Variants in CABCOCO1 observed in about 807,000 individuals in gnomAD.
CABCOCO1 encodes ciliary-associated calcium-binding coiled-coil protein 1.
A neutral mutation model predicts 35.7 loss-of-function variants in CABCOCO1; 28 were observed. The ratio of observed to expected loss-of-function variants is 0.78; its 90% confidence interval spans 0.58 to 1.07. The LOEUF (loss-of-function observed/expected upper bound fraction) is 1.07. CABCOCO1 is among the 50% of genes least tolerant of loss of function. The pLI, the probability that CABCOCO1 is intolerant of heterozygous loss-of-function variation, is 0.00. For missense variants in CABCOCO1, 326 were observed against 309.2 expected, an observed-to-expected ratio of 1.05 and a Z score of -0.41; for synonymous variants, 95 against 100.1, an observed-to-expected ratio of 0.95 and a Z score of 0.30.
chr10:61,698,473 A>G (rs1301131387), intron 5 of CABCOCO1, among the ~76,000 whole-genome samples: 1 of 152,140 alleles, frequency 6.6e-6, no homozygotes, highest in Non-Finnish European at 1.5e-5. Context: ...ACTTAGAAAG[A>G]TATTTAAAGA....
At chr10:61,728,553 T>C (rs2132051011) in intron 5 of CABCOCO1, among the ~76,000 whole-genome samples, 2 of 152,312 alleles carry the variant, frequency 1.3e-5, no homozygotes, top group South Asian at 4.1e-4. Context: ...TCCTTAAAAG[T>C]GAAAAATGTA....
At chr10:61,676,495 G>T (rs553777815) in intron 2 of CABCOCO1, among the ~76,000 whole-genome samples, 2 of 152,186 alleles carry the variant, frequency 1.3e-5, no homozygotes, top group Admixed American at 6.5e-5. Flanking sequence ...TTGAATTGAA[G>T]CAGATGACCC....
chr10:61,718,114 C>G (rs891414723), intron 5 of CABCOCO1, among the ~76,000 whole-genome samples: 1 of 152,060 alleles, frequency 6.6e-6, no homozygotes, highest in Admixed American at 6.6e-5. Flanking sequence ...ACTAACGGAA[C>G]CTTTACTGAG....
At chr10:61,680,624 TATAC>T (rs1839722024) in intron 2 of CABCOCO1, among the ~76,000 whole-genome samples, 4 of 71,940 alleles carry the variant, frequency 5.6e-5, no homozygotes, top group African/African-American at 2.6e-4. Context: ...ATACATAACA[TATAC>T]ATGTTATACA....
intron 5 of CABCOCO1, among the ~76,000 whole-genome samples, chr10:61,691,971 T>C (rs1292312483): frequency 6.6e-6 from 1 of 152,212 alleles, no homozygotes; most frequent in Non-Finnish European, 1.5e-5. Context: ...CATGTATCTT[T>C]ATAGTAGAAT....
Position 61,681,174 on chromosome 10 carries a change from C to T in CABCOCO1, c.196C>T (p.Leu66Phe). 1.3e-6 allele frequency: 2 copies of T among 1,483,010 alleles called. No individual in the cohort carries two copies. The highest frequency in any genetic ancestry group is 2.5e-5 in the East Asian group (1 of 39,980). The allele number at this position is 1,483,010 out of a possible 1,614,324, so 91.9% of individuals were successfully genotyped here. A position where few individuals can be genotyped will look rare whatever the true frequency, so the allele number is the denominator to read the frequency against. Residue 66 changes from leucine (L) to phenylalanine (F), a missense_variant, in exon 3 of 8, where the codon CTT (leucine) becomes TTT (phenylalanine). Physicochemically the swap from Leu to Phe is conservative, Grantham distance 22. Transcript: ENST00000648843. ...GAGAATATTTTTGAATTTCAAAAAC[C>T]TTGAAACTTGTTTAAAGGATGCCAT... ...KLRIFLNFKNLETCLKDAILL... is the reference protein window; with the variant it reads ...KLRIFLNFKNFETCLKDAILL...
At position 61,760,093 on chromosome 10, in the gene CABCOCO1, C is replaced by T. The variant is rs149071916; in HGVS notation, c.587C>T (p.Pro196Leu). 2.7e-4 allele frequency: 440 copies of T among 1,612,876 alleles called. 1 individual carries two copies. In the African/African-American group the frequency reaches 5.3e-3, roughly 20 times the overall value. ...VIEVVKSACG[P>L]FPNPLEEGIS... ...GAGGTTGTCAAGTCTGCATGTGGCCCTTTCCCAAATCCTCTGGAAGAAGGA... is the reference window on the plus strand; with the variant it reads ...GAGGTTGTCAAGTCTGCATGTGGCCTTTTCCCAAATCCTCTGGAAGAAGGA... The change falls in exon 6 of 8, where the codon CCT becomes CTT. Residue 196 changes from proline to leucine, a missense_variant. Pro to Leu is a moderately conservative substitution (Grantham distance 98). Transcript: ENST00000648843.
At chr10:61,699,330 G>A (rs1263087778) in intron 5 of CABCOCO1, among the ~76,000 whole-genome samples, 1 of 152,054 alleles carries the variant, frequency 6.6e-6, no homozygotes, top group African/African-American at 2.4e-5. Context: ...AGAAATTCAA[G>A]GAATCTGTCT....
intron 5 of CABCOCO1, among the ~76,000 whole-genome samples, chr10:61,738,032 A>C (rs1193991412): frequency 1.3e-5 from 2 of 151,128 alleles, no homozygotes; most frequent in Non-Finnish European, 2.9e-5. Context: ...ATACAAAAAA[A>C]CAATAAATAA....
At chr10:61,730,428 G>GA (rs1195757650) in intron 5 of CABCOCO1, among the ~76,000 whole-genome samples, 3 of 151,746 alleles carry the variant, frequency 2.0e-5, no homozygotes, top group Admixed American at 6.6e-5. Flanking sequence ...ATAGGTAAAT[G>GA]AAAAAAATAG....
chr10:61,719,867 G>T (rs1367687907), intron 5 of CABCOCO1, among the ~76,000 whole-genome samples: 1 of 144,184 alleles, frequency 6.9e-6, no homozygotes, highest in African/African-American at 2.6e-5. Flanking sequence ...GTTTCAGTGA[G>T]CTGAGATCAC....
chr10:61,718,774 G>T (rs1383250510), intron 5 of CABCOCO1, among the ~76,000 whole-genome samples: 1 of 151,978 alleles, frequency 6.6e-6, no homozygotes, highest in Non-Finnish European at 1.5e-5. Flanking sequence ...CTAATGAAAG[G>T]TATTAATATA....
At chr10:61,742,517 C>T (rs2132069573) in intron 5 of CABCOCO1, among the ~76,000 whole-genome samples, 1 of 152,216 alleles carries the variant, frequency 6.6e-6, no homozygotes, top group Non-Finnish European at 1.5e-5. Context: ...TGAGATAGAC[C>T]AGACTTAGCA....
At chr10:61,709,665 TG>T (rs892311957) in intron 5 of CABCOCO1, among the ~76,000 whole-genome samples, 4 of 151,388 alleles carry the variant, frequency 2.6e-5, no homozygotes, top group African/African-American at 4.9e-5. Flanking sequence ...AATCGCTGTT[TG>T]CCTGACTTAC....
chr10:61,662,996 G>GGGGCCGACCCCAGCA lies in CABCOCO1; in HGVS notation c.35_36insAGCAGGGCCGACCCC (p.Pro10_Gly14dup), dbSNP rs1554819948. ...CGATGTCGCAGGGGACGACTCCCTG[G>GGGGCCGACCCCAGCA]GGGCCGACCCCGGCGGGAACCACGC... On this transcript the variant is annotated inframe_insertion, in exon 1 of 8. Transcript: ENST00000648843. The GGGGCCGACCCCAGCA allele has an allele frequency of 5.0e-5, 16 of 321,776 alleles. 1 individual carries two copies. Among genetic ancestry groups the GGGGCCGACCCCAGCA allele is most frequent in the Middle Eastern group, 4.1e-4 (1 of 2,440 alleles). The allele number at this position is 321,776 out of a possible 1,614,324, so 19.9% of individuals were successfully genotyped here. A position where few individuals can be genotyped will look rare whatever the true frequency, so the allele number is the denominator to read the frequency against.
intron 5 of CABCOCO1, among the ~76,000 whole-genome samples, chr10:61,736,869 C>T (rs534469711): frequency 6.6e-6 from 1 of 152,148 alleles, no homozygotes; most frequent in African/African-American, 2.4e-5. Context: ...CCCTCATTAG[C>T]TGTTTGCCTA....
At chr10:61,683,084 T>A (rs1413412659) in intron 3 of CABCOCO1, among the ~76,000 whole-genome samples, 1 of 150,810 alleles carries the variant, frequency 6.6e-6, no homozygotes, top group Non-Finnish European at 1.5e-5. Context: ...ACAGACGGGG[T>A]TTCGCCATGT....
intron 5 of CABCOCO1, among the ~76,000 whole-genome samples, chr10:61,745,149 T>G (rs1234861681): frequency 6.6e-6 from 1 of 152,178 alleles, no homozygotes; most frequent in Non-Finnish European, 1.5e-5. Context: ...AGAGGTCTAT[T>G]TGTATCCATC....
chr10:61,698,985 C>T (rs1840368412), intron 5 of CABCOCO1, among the ~76,000 whole-genome samples: 1 of 152,202 alleles, frequency 6.6e-6, no homozygotes, highest in African/African-American at 2.4e-5. Flanking sequence ...TCAAAATAAT[C>T]TAAACTTATC....
Sources: gnomAD v4.1 joint callset for allele counts (sites outside exome capture counted in the v4.1 genomes callset) on GRCh38, gnomAD v4.1.1 for gene constraint, MANE v1.5 for transcripts, NCBI Gene and HGNC (gene_info 2026-07-23, HGNC 2026-07-21) for gene names.